The following KYNU variants were observed in gnomAD, a reference collection of about 807,000 sequenced individuals.
KYNU encodes kynureninase, also known as L-kynurenine hydrolase.
KYNU carries 54 observed loss-of-function variants against 59.2 expected under a neutral mutation model. The ratio of observed to expected loss-of-function variants is 0.91; its 90% CI spans 0.73 to 1.14. The LOEUF (loss-of-function observed/expected upper bound fraction) is 1.14, where lower values mean the gene tolerates loss of function less well. Among genes scored for constraint, KYNU ranks in the 50% most tolerant of loss-of-function variants. The pLI is 0.00. For synonymous variants in KYNU, 177 were observed against 192.0 expected (o/e 0.92, Z 0.65); for missense variants, 567 against 554.4 (o/e 1.02, Z -0.23).
At chr2:143,036,507 G>T (rs905014850) in intron 12 of KYNU, among the ~76,000 whole-genome samples, 11 of 152,194 alleles carry the variant, frequency 7.2e-5, no homozygotes, top group Admixed American at 1.3e-4. Context: ...AGAGGAACAG[G>T]CTGTGACCTA....
chr2:143,024,750 C>T (rs1686504916), intron 10 of KYNU, among the ~76,000 whole-genome samples: 1 of 152,078 alleles, frequency 6.6e-6, no homozygotes, highest in South Asian at 2.1e-4. Context: ...CCAACTAACT[C>T]AGAGGATGTT....
chr2:143,048,410 T>C lies in KYNU; in HGVS notation c.*6238T>C, dbSNP rs1466319210. On this transcript the variant is annotated 3_prime_UTR_variant, in exon 14 of 14. Transcript: ENST00000264170. ...CATCAAACAGCCAACTCTTTACTTA[T>C]ACACTATTGCTATTCATTATAGCAT... 2 of 152,190 alleles carry C rather than the reference T, an allele frequency of 1.3e-5. No individual in the cohort carries two copies. The allele number at this position is 152,190 out of a possible 1,614,324, so 9.4% of individuals were successfully genotyped here. A position where few individuals can be genotyped will look rare whatever the true frequency, so the allele number is the denominator to read the frequency against.
At chr2:142,964,677 G>A (rs913126208) in intron 8 of KYNU, 3 of 152,060 alleles carry the variant, frequency 2.0e-5, no homozygotes, top group Non-Finnish European at 2.9e-5. Context: ...GATTTTGAAG[G>A]AGAGAGAAAA....
intron 8 of KYNU, among the ~76,000 whole-genome samples, chr2:142,976,312 T>C (rs538986639): frequency 2.4e-4 from 37 of 152,310 alleles, no homozygotes; most frequent in African/African-American, 8.4e-4. Flanking sequence ...GCCCTTTCTT[T>C]GTTGTTGCTT....
At chr2:142,885,004 C>T (rs1183336914) in intron 1 of KYNU, among the ~76,000 whole-genome samples, 1 of 127,684 alleles carries the variant, frequency 7.8e-6, no homozygotes, top group South Asian at 2.7e-4. Flanking sequence ...TTTGGGAGGC[C>T]GAGGTGGGCG....
At chr2:142,960,046 C>G (rs193159722) in intron 7 of KYNU, among the ~76,000 whole-genome samples, 3 of 152,268 alleles carry the variant, frequency 2.0e-5, no homozygotes, top group Non-Finnish European at 4.4e-5. Context: ...ACCACCACAC[C>G]TAGCTAATTT....
At chr2:143,024,991 T>C (rs1007026805) in intron 10 of KYNU, among the ~76,000 whole-genome samples, 3 of 152,104 alleles carry the variant, frequency 2.0e-5, no homozygotes, top group South Asian at 2.1e-4. Context: ...AGTTTTTCCA[T>C]AGTATCCTGC....
chr2:142,905,059 G>T (rs1412264152), intron 2 of KYNU, among the ~76,000 whole-genome samples: 1 of 152,190 alleles, frequency 6.6e-6, no homozygotes, highest in African/African-American at 2.4e-5. Context: ...GTTTCAGAGA[G>T]GGTGAAGGTA....
rs1159879793 is a variant in KYNU at position 143,043,813 on chromosome 2, A to G, written c.*1641A>G. The G allele has an allele frequency of 6.8e-6, 1 of 147,190 alleles. No homozygotes were observed. Among genetic ancestry groups the G allele is most frequent in the Non-Finnish European group, 1.5e-5 (1 of 67,010 alleles). The allele number at this position is 147,190 out of a possible 1,614,324, so 9.1% of individuals were successfully genotyped here. A position where few individuals can be genotyped will look rare whatever the true frequency, so the allele number is the denominator to read the frequency against. On this transcript the variant is annotated 3_prime_UTR_variant, in exon 14 of 14. Transcript: ENST00000264170. ...TTAATATATTTATATAAATATATAT[A>G]AAGTATAATATATATAAAGTATAAA...
At chr2:143,019,819 T>C (rs1686357771) in intron 10 of KYNU, among the ~76,000 whole-genome samples, 1 of 152,014 alleles carries the variant, frequency 6.6e-6, no homozygotes, top group Non-Finnish European at 1.5e-5. Context: ...TTTTTATTAT[T>C]GCTTCAATCT....
chr2:142,960,741 C>T lies in KYNU; in HGVS notation c.700C>T (p.Pro234Ser), dbSNP rs745961677. 4 of 1,613,962 alleles carry T rather than the reference C, an allele frequency of 2.5e-6. No individual in the cohort carries two copies. Among genetic ancestry groups the T allele is most frequent in the Non-Finnish European group, 3.4e-6 (4 of 1,179,960 alleles). ...HFYTGQHFNIPAITKAGQAKG... is the reference protein window; with the variant it reads ...HFYTGQHFNISAITKAGQAKG... Reference sequence around the variant, plus strand: ...TTACACTGGACAGCACTTTAATATTCCTGCCATCACAAAAGCTGGACAAGC... The same window carrying T: ...TTACACTGGACAGCACTTTAATATTTCTGCCATCACAAAAGCTGGACAAGC... Residue 234 changes from proline (P) to serine (S), a missense_variant, in exon 8 of 14, where the codon CCT becomes TCT. Pro to Ser is a moderately conservative substitution (Grantham distance 74). Transcript: ENST00000264170.
intron 2 of KYNU, among the ~76,000 whole-genome samples, chr2:142,886,543 C>T (rs539251484): frequency 5.9e-5 from 9 of 151,808 alleles, no homozygotes; most frequent in South Asian, 2.1e-4. Context: ...CTAGAAGAGA[C>T]GAAATAAAAT....
At chr2:143,005,915 G>A (rs1314883611) in intron 10 of KYNU, among the ~76,000 whole-genome samples, 1 of 152,166 alleles carries the variant, frequency 6.6e-6, no homozygotes, top group Non-Finnish European at 1.5e-5. Context: ...AGTTCATGCT[G>A]TGTTCCAACA....
chr2:142,902,938 G>T (rs1682156484), intron 2 of KYNU, among the ~76,000 whole-genome samples: 1 of 152,176 alleles, frequency 6.6e-6, no homozygotes. Flanking sequence ...AATGTACAGG[G>T]ATGCAGAAAA....
At chr2:142,943,616 A>G (rs1410697296) in intron 4 of KYNU, among the ~76,000 whole-genome samples, 1 of 152,210 alleles carries the variant, frequency 6.6e-6, no homozygotes, top group Non-Finnish European at 1.5e-5. Flanking sequence ...TATTAAGCTT[A>G]CTTCTCCCTG....
At chr2:142,982,454 A>G (rs1006408718) in intron 8 of KYNU, among the ~76,000 whole-genome samples, 17 of 152,126 alleles carry the variant, frequency 1.1e-4, no homozygotes, top group African/African-American at 3.9e-4. Context: ...AATTTGGATA[A>G]TATGTATTCA....
chr2:142,907,061 A>G (rs2104960758), intron 2 of KYNU, among the ~76,000 whole-genome samples: 1 of 152,334 alleles, frequency 6.6e-6, no homozygotes, highest in East Asian at 1.9e-4. Flanking sequence ...AGGACAGAAT[A>G]GCAAGCAAAA....
chr2:142,975,023 A>G (rs1684844440), intron 8 of KYNU, among the ~76,000 whole-genome samples: 1 of 152,204 alleles, frequency 6.6e-6, no homozygotes, highest in African/African-American at 2.4e-5. Flanking sequence ...AGCCACGGAA[A>G]TACTGGTAGA....
chr2:142,914,659 T>C (rs936157814), intron 2 of KYNU, among the ~76,000 whole-genome samples: 2 of 152,228 alleles, frequency 1.3e-5, no homozygotes, highest in Non-Finnish European at 2.9e-5. Context: ...ATTTCAAACT[T>C]TTTCATTATT....
Sources: gnomAD v4.1 joint callset for allele counts (sites outside exome capture counted in the v4.1 genomes callset) on GRCh38, gnomAD v4.1.1 for gene constraint, MANE v1.5 for transcripts, NCBI Gene and HGNC (gene_info 2026-07-23, HGNC 2026-07-21) for gene names.